MCTP1: variants seen among roughly 807,000 people sequenced by gnomAD.
MCTP1 encodes the protein multiple C2 and transmembrane domain-containing protein 1.
In MCTP1, 69 loss-of-function variants were observed where a neutral mutation model predicts 120.6. The observed-to-expected ratio is 0.57, with a 90% CI of 0.47 to 0.70. The LOEUF (loss-of-function observed/expected upper bound fraction) is 0.70, where lower values mean the gene tolerates loss of function less well. MCTP1 is among the 30% of genes least tolerant of loss of function. MCTP1 has a pLI of 0.00. For missense variants in MCTP1, 1,203 were observed against 1,248.8 expected (o/e 0.96, Z 0.55); for synonymous variants, 529 against 493.1 (o/e 1.07, Z -0.96).
At chr5:94,936,579 C>T (rs993859136) in intron 5 of MCTP1, among the ~76,000 whole-genome samples, 2 of 151,990 alleles carry the variant, frequency 1.3e-5, no homozygotes, top group Admixed American at 1.3e-4. Flanking sequence ...AGTTATAAAG[C>T]CTGGTATAAT....
chr5:95,139,444 G>A (rs1759726419), intron 1 of MCTP1, among the ~76,000 whole-genome samples: 6 of 152,208 alleles, frequency 3.9e-5, no homozygotes, highest in Admixed American at 3.9e-4. Flanking sequence ...GCAGGTGAGA[G>A]CAAGATTTGC....
chr5:95,086,885 T>C (rs56819015), intron 1 of MCTP1, among the ~76,000 whole-genome samples: 12,386 of 152,234 alleles, frequency 0.081, 1,717 homozygotes, highest in African/African-American at 0.29. Flanking sequence ...AAAGTTAAAA[T>C]AAACTCTTGT....
intron 1 of MCTP1, among the ~76,000 whole-genome samples, chr5:95,252,633 C>A (rs1757485920): frequency 6.6e-6 from 1 of 152,074 alleles, no homozygotes; most frequent in Non-Finnish European, 1.5e-5. Flanking sequence ...AGATCTGAAC[C>A]TACACAGTCT....
chr5:95,241,007 T>C (rs1263476646), intron 1 of MCTP1, among the ~76,000 whole-genome samples: 1 of 152,142 alleles, frequency 6.6e-6, no homozygotes, highest in East Asian at 1.9e-4. Context: ...TAAAATTATT[T>C]ACCATCTTTT....
rs368187336 is a variant in MCTP1, at chr5:94,786,410, AT to A, written c.2557-7248del. On this transcript the variant is annotated intron_variant, in intron 18 of 22. Transcript: ENST00000515393. ...TATATCCTTTTCTATAAATAATGAT[AT>A]TTTTTATCTTTTTTATATAAAGAAT... Among the ~76,000 whole-genome samples, 1,415 of 152,216 alleles carry A rather than the reference AT, an allele frequency of 9.3e-3. 23 individuals are homozygous for A. Among genetic ancestry groups the A allele is most frequent in the African/African-American group, 0.032 (1,332 of 41,538 alleles).
chr5:95,257,796 T>TACACACACAC lies in MCTP1; in HGVS notation c.720+26050_720+26059dup, dbSNP rs369408591. Among the ~76,000 whole-genome samples the TACACACACAC allele has an allele frequency of 3.0e-3, 381 of 125,360 alleles. 2 individuals are homozygous for TACACACACAC. The highest frequency in any genetic ancestry group is 8.5e-3 in the Middle Eastern group (2 of 234). 82.2% of individuals were successfully genotyped at this position (125,360 alleles called of 152,430 possible). Reference sequence around the variant, plus strand: ...AAGGAAGGAAGTGCTCCAGAAAACATACACACACACACACACACACACACA... The same window carrying TACACACACAC: ...AAGGAAGGAAGTGCTCCAGAAAACATACACACACACACACACACACACACACACACACACA... On this transcript the variant is annotated intron_variant, in intron 1 of 22. Transcript: ENST00000515393.
intron 17 of MCTP1, among the ~76,000 whole-genome samples, chr5:94,817,335 G>A (rs1784665604): frequency 6.6e-6 from 1 of 152,150 alleles, no homozygotes; most frequent in Non-Finnish European, 1.5e-5. Flanking sequence ...TTGAACCCAT[G>A]AGGCGGAGGT....
At chr5:94,843,792 G>A (rs1303947134) in intron 17 of MCTP1, among the ~76,000 whole-genome samples, 1 of 152,232 alleles carries the variant, frequency 6.6e-6, no homozygotes, top group Non-Finnish European at 1.5e-5. Context: ...CAATAGTAGA[G>A]AAGAGTTCAT....
chr5:94,843,480 T>C (rs2153209357), intron 17 of MCTP1, among the ~76,000 whole-genome samples: 1 of 152,236 alleles, frequency 6.6e-6, no homozygotes, highest in East Asian at 1.9e-4. Flanking sequence ...ATGGAATACA[T>C]GGGTGGGATA....
At chr5:94,733,476 C>T (rs886426946) in intron 19 of MCTP1, among the ~76,000 whole-genome samples, 19 of 152,136 alleles carry the variant, frequency 1.2e-4, no homozygotes, top group South Asian at 6.2e-4. Context: ...AGGTGCTAAT[C>T]GCTGGGGTGT....
chr5:94,846,004 A>G (rs1205109307), intron 17 of MCTP1, among the ~76,000 whole-genome samples: 1 of 152,182 alleles, frequency 6.6e-6, no homozygotes, highest in Non-Finnish European at 1.5e-5. Flanking sequence ...AAAATAACAG[A>G]TGCTGGTTAG....
chr5:94,725,547 T>A (rs1761942707), intron 19 of MCTP1, among the ~76,000 whole-genome samples: 1 of 152,226 alleles, frequency 6.6e-6, no homozygotes. Flanking sequence ...TCTTTTGAAA[T>A]TGTTTACTTC....
At chr5:94,810,059 A>G (rs768391625) in intron 17 of MCTP1, among the ~76,000 whole-genome samples, 1 of 152,106 alleles carries the variant, frequency 6.6e-6, no homozygotes, top group African/African-American at 2.4e-5. Flanking sequence ...TAATCATTAC[A>G]TGATGTTCTG....
At chr5:94,816,454 C>A (rs1784491301) in intron 17 of MCTP1, among the ~76,000 whole-genome samples, 1 of 151,848 alleles carries the variant, frequency 6.6e-6, no homozygotes, top group Admixed American at 6.6e-5. Context: ...TAATATAGTA[C>A]TGTTAATATA....
intron 17 of MCTP1, among the ~76,000 whole-genome samples, chr5:94,854,942 C>A (rs1039554297): frequency 6.6e-6 from 1 of 151,854 alleles, no homozygotes; most frequent in African/African-American, 2.4e-5. Flanking sequence ...TCTGTGGTTT[C>A]TGGATGGGGC....
intron 2 of MCTP1, among the ~76,000 whole-genome samples, chr5:94,963,481 T>C (rs1255040986): frequency 6.6e-6 from 1 of 151,812 alleles, no homozygotes; most frequent in Admixed American, 6.6e-5. Context: ...TTTCTTTTTT[T>C]TTTTTTAATA....
intron 1 of MCTP1, among the ~76,000 whole-genome samples, chr5:95,259,244 C>T (rs940695847): frequency 2.6e-5 from 4 of 152,134 alleles, no homozygotes; most frequent in Admixed American, 6.5e-5. Context: ...ACCAATGGGG[C>T]CACAACAACA....
At chr5:95,138,011 G>C (rs1257998264) in intron 1 of MCTP1, among the ~76,000 whole-genome samples, 1 of 152,040 alleles carries the variant, frequency 6.6e-6, no homozygotes, top group Non-Finnish European at 1.5e-5. Flanking sequence ...TGAAATTCCA[G>C]TTCTAGATAA....
At chr5:94,757,621 C>T (rs974100801) in intron 19 of MCTP1, among the ~76,000 whole-genome samples, 9 of 152,088 alleles carry the variant, frequency 5.9e-5, no homozygotes, top group African/African-American at 1.7e-4. Context: ...AGACTTGAGA[C>T]GAAAGGCAGA....
Sources: gnomAD v4.1 joint callset for allele counts (sites outside exome capture counted in the v4.1 genomes callset) on GRCh38, gnomAD v4.1.1 for gene constraint, MANE v1.5 for transcripts, NCBI Gene and HGNC (gene_info 2026-07-23, HGNC 2026-07-21) for gene names.